NEDD4: variants seen among roughly 807,000 people sequenced by gnomAD.
NEDD4 encodes NEDD4 E3 ubiquitin protein ligase.
Under a neutral mutation model 144.9 loss-of-function variants are expected in NEDD4, and 99 were observed. The ratio of observed to expected loss-of-function variants is 0.68; its 90% CI spans 0.58 to 0.81. The LOEUF (loss-of-function observed/expected upper bound fraction) is 0.81, where lower values mean the gene tolerates loss of function less well. Among genes scored for constraint, NEDD4 ranks in the 30% least tolerant of loss-of-function variants. NEDD4 has a pLI of 0.00. For missense variants in NEDD4, 985 were observed against 1,065.9 expected, an observed-to-expected ratio of 0.92 and a Z score of 1.06; for synonymous variants, 318 against 350.6, an observed-to-expected ratio of 0.91 and a Z score of 1.04.
At chr15:55,830,142 G>A (rs987861606) in intron 28 of NEDD4, 143 bp from the exon 29 acceptor site, 10 of 644,992 alleles carry the variant, frequency 1.6e-5, no homozygotes, top group South Asian at 3.9e-5. Flanking sequence ...GAAGTAAGAC[G>A]TAGGACTGGG....
intron 2 of NEDD4, among the ~76,000 whole-genome samples, chr15:55,955,993 A>AT (rs201144694): frequency 0.083 from 12,509 of 151,592 alleles, 598 homozygotes; most frequent in Admixed American, 0.12. Flanking sequence ...TTTTTCAAAA[A>AT]TTTTTTTGTA....
chr15:55,838,681 T>C (rs1425734490), intron 21 of NEDD4, 77 bp from the exon 22 acceptor site: 2 of 901,624 alleles, frequency 2.2e-6, no homozygotes, highest in Admixed American at 2.2e-5. Context: ...ATGTAGAGGG[T>C]CTGAATAATT....
At position 55,838,156 on chromosome 15, in the gene NEDD4, C is replaced by A. The variant is rs766320630; in HGVS notation, c.2152G>T (p.Gly718Cys). Residue 718 changes from glycine (G) to cysteine (C), a missense_variant, in exon 23 of 29, where the codon GGT becomes TGT. By Grantham distance (159) the Gly-to-Cys change is radical. Coordinates refer to ENST00000435532, the MANE Select transcript of NEDD4 (RefSeq NM_006154.4). Reference sequence around the variant, plus strand: ...TTGGTGACAACTATTTCTGATCCACCATTTTTCAGCTCATGTTGATGTGTC... The same window carrying A: ...TTGGTGACAACTATTTCTGATCCACAATTTTTCAGCTCATGTTGATGTGTC... ...GQTHQHELKN[G>C]GSEIVVTNKN... 6.3e-7 allele frequency: 1 copy of A among 1,596,906 alleles called. No individual in the cohort carries two copies.
chr15:55,939,736 A>C (rs555602501), intron 4 of NEDD4, among the ~76,000 whole-genome samples: 106 of 152,288 alleles, frequency 7.0e-4, no homozygotes, highest in Non-Finnish European at 1.2e-3. Flanking sequence ...ATCCCTGCAC[A>C]TGTTGGTAGC....
intron 2 of NEDD4, among the ~76,000 whole-genome samples, chr15:55,958,258 G>A (rs2037370871): frequency 6.6e-6 from 1 of 152,114 alleles, no homozygotes. Context: ...TTTTGTCAAA[G>A]GCACATTCCA....
At chr15:55,915,649 C>T in intron 5 of NEDD4, 1 of 1,613,714 alleles carries the variant, frequency 6.2e-7, no homozygotes, top group Non-Finnish European at 8.5e-7. Context: ...TTACAATCAC[C>T]ATTTGTTGTT....
At chr15:55,833,859 AAT>A (rs1484527303) in intron 26 of NEDD4, among the ~76,000 whole-genome samples, 177 bp downstream of exon 26, 20 of 152,240 alleles carry the variant, frequency 1.3e-4, no homozygotes, top group African/African-American at 4.8e-4. Flanking sequence ...CTTACCTAGT[AAT>A]AGTTACAGAC....
At chr15:55,869,108 T>A (rs550360769) in intron 8 of NEDD4, among the ~76,000 whole-genome samples, 1 of 152,310 alleles carries the variant, frequency 6.6e-6, no homozygotes, top group East Asian at 1.9e-4. Context: ...AAATTCTACT[T>A]GCCCCACATA....
intron 12 of NEDD4, among the ~76,000 whole-genome samples, chr15:55,854,352 A>C (rs2034111378): frequency 6.6e-6 from 1 of 152,190 alleles, no homozygotes; most frequent in Non-Finnish European, 1.5e-5. Flanking sequence ...GATACATCAC[A>C]AAATGATGCA....
intron 4 of NEDD4, among the ~76,000 whole-genome samples, chr15:55,943,967 T>A (rs1376055668): frequency 6.6e-6 from 1 of 152,254 alleles, no homozygotes; most frequent in African/African-American, 2.4e-5. Flanking sequence ...GTGGCCTGGA[T>A]GTGAGACACA....
chr15:55,906,155 G>A (rs2036085230), intron 5 of NEDD4, among the ~76,000 whole-genome samples: 1 of 152,210 alleles, frequency 6.6e-6, no homozygotes, highest in Admixed American at 6.5e-5. Context: ...AGGATGTGGA[G>A]AAATAGGAAC....
intron 5 of NEDD4, chr15:55,905,248 A>C (rs762055260): frequency 1.3e-5 from 6 of 455,632 alleles, no homozygotes; most frequent in Non-Finnish European, 2.6e-5. Context: ...ATATAAAGGA[A>C]TCACCTTCAC....
intron 2 of NEDD4, among the ~76,000 whole-genome samples, chr15:55,963,782 G>C (rs2037464436): frequency 6.6e-6 from 1 of 152,198 alleles, no homozygotes; most frequent in Non-Finnish European, 1.5e-5. Flanking sequence ...TTCTTCAGCT[G>C]AAAGGACTTT....
At chr15:55,894,971 T>A (rs150936951) in intron 5 of NEDD4, among the ~76,000 whole-genome samples, 8 of 152,282 alleles carry the variant, frequency 5.3e-5, no homozygotes, top group Non-Finnish European at 1.0e-4. Context: ...AGAAAAAGGT[T>A]TTGCATTTGT....
chr15:55,910,810 T>A (rs1315704444), intron 5 of NEDD4, among the ~76,000 whole-genome samples: 3 of 152,188 alleles, frequency 2.0e-5, no homozygotes, highest in Non-Finnish European at 4.4e-5. Flanking sequence ...ACATCACTGT[T>A]AACCCAGTCA....
intron 8 of NEDD4, among the ~76,000 whole-genome samples, chr15:55,869,213 G>A (rs2034688769): frequency 6.6e-6 from 1 of 152,056 alleles, no homozygotes; most frequent in African/African-American, 2.4e-5. Flanking sequence ...ATATTAACAG[G>A]ACTTAAATTT....
chr15:55,846,391 G>C (rs2141997398), intron 18 of NEDD4, among the ~76,000 whole-genome samples: 1 of 152,300 alleles, frequency 6.6e-6, no homozygotes, highest in Admixed American at 6.5e-5. Flanking sequence ...GAATGAAACA[G>C]ATGGCCAGAT....
rs754133817 is a variant in NEDD4, at chr15:55,869,658, T to C, written c.428A>G (p.Tyr143Cys). ...TAAATAAGTCATTTTTAGTCTCAGATAACCTTTAACTCTTGATTTGTGACT... is the reference window on the plus strand; with the variant it reads ...TAAATAAGTCATTTTTAGTCTCAGACAACCTTTAACTCTTGATTTGTGACT... ...PRSHKSRVKG[Y>C]LRLKMTYLPK... Residue 143 changes from tyrosine to cysteine, a missense_variant, in exon 8 of 29, where the codon TAT becomes TGT. By Grantham distance (194) the Tyr-to-Cys change is radical. Transcript: ENST00000435532. The C allele has an allele frequency of 6.4e-7, 1 of 1,562,180 alleles. No individual in the cohort carries two copies. Among genetic ancestry groups the C allele is most frequent in the South Asian group, 1.2e-5 (1 of 85,242 alleles).
At chr15:55,926,116 A>G (rs1161645951) in intron 4 of NEDD4, among the ~76,000 whole-genome samples, 1 of 152,162 alleles carries the variant, frequency 6.6e-6, no homozygotes, top group Non-Finnish European at 1.5e-5. Flanking sequence ...ATACATACGT[A>G]TATGTATCAA....
Sources: allele counts gnomAD v4.1 joint callset (sites outside exome capture counted in the v4.1 genomes callset), GRCh38; gene constraint gnomAD v4.1.1; transcripts MANE v1.5; gene names NCBI Gene and HGNC (gene_info 2026-07-23, HGNC 2026-07-21).